The following CCDC91 variants were observed in gnomAD, a reference collection of about 807,000 sequenced individuals.
CCDC91 encodes the protein coiled-coil domain-containing protein 91.
CCDC91 carries 48 observed loss-of-function variants against 63.2 expected under a neutral mutation model. The observed-to-expected ratio is 0.76, with a 90% CI of 0.60 to 0.97. The LOEUF is 0.97. CCDC91 is among the 50% of genes least tolerant of loss of function. CCDC91 has a pLI of 0.00. For synonymous variants in CCDC91, 167 were observed against 165.8 expected, an observed-to-expected ratio of 1.01 and a Z score of -0.06; for missense variants, 500 against 494.6, an observed-to-expected ratio of 1.01 and a Z score of -0.10.
At chr12:28,519,517 T>A (rs1010932265) in intron 12 of CCDC91, among the ~76,000 whole-genome samples, 2 of 151,990 alleles carry the variant, frequency 1.3e-5, no homozygotes, top group Admixed American at 1.3e-4. Flanking sequence ...ACAGTGTAAC[T>A]TCCTCTTTAC....
intron 6 of CCDC91, 34 bp downstream of exon 6, chr12:28,307,783 G>A (rs1049851509): frequency 9.1e-7 from 1 of 1,096,320 alleles, no homozygotes; most frequent in Non-Finnish European, 1.4e-6. Flanking sequence ...TAAAATGTAA[G>A]CCTTTTGATG....
At chr12:28,539,405 T>G (rs1781581225) in intron 12 of CCDC91, among the ~76,000 whole-genome samples, 1 of 152,194 alleles carries the variant, frequency 6.6e-6, no homozygotes, top group Non-Finnish European at 1.5e-5. Flanking sequence ...TTGTCAAAGA[T>G]CAGATAGTTG....
At chr12:28,345,065 A>G (rs1446895674) in intron 6 of CCDC91, among the ~76,000 whole-genome samples, 1 of 152,134 alleles carries the variant, frequency 6.6e-6, no homozygotes, top group East Asian at 1.9e-4. Context: ...TGAAATGGCA[A>G]CATCTTCATG....
intron 3 of CCDC91, among the ~76,000 whole-genome samples, chr12:28,289,685 CTTT>C (rs75555723): frequency 2.0e-5 from 2 of 98,540 alleles, no homozygotes; most frequent in Non-Finnish European, 3.6e-5. Context: ...CTTTTCTTTT[CTTT>C]TTTTTTTTTT....
intron 1 of CCDC91, among the ~76,000 whole-genome samples, chr12:28,233,422 T>G (rs538487778): frequency 6.6e-6 from 1 of 152,278 alleles, no homozygotes; most frequent in East Asian, 1.9e-4. Context: ...TTTTGAATAG[T>G]GTAGTGAAAA....
intron 3 of CCDC91, among the ~76,000 whole-genome samples, chr12:28,273,085 C>T (rs963679975): frequency 1.1e-4 from 17 of 149,644 alleles, no homozygotes; most frequent in African/African-American, 3.2e-4. Flanking sequence ...TGAGAACATG[C>T]GGTGTTTGGT....
chr12:28,437,828 C>T (rs956212128), intron 8 of CCDC91, among the ~76,000 whole-genome samples: 1 of 151,888 alleles, frequency 6.6e-6, no homozygotes, highest in African/African-American at 2.4e-5. Flanking sequence ...AAGAACTATG[C>T]ACCTGAAACT....
intron 6 of CCDC91, among the ~76,000 whole-genome samples, chr12:28,308,108 G>T (rs1938936051): frequency 6.6e-6 from 1 of 151,814 alleles, no homozygotes; most frequent in Admixed American, 6.6e-5. Context: ...TAAATAAATT[G>T]TCTCCTTTTC....
intron 3 of CCDC91, among the ~76,000 whole-genome samples, chr12:28,267,932 AT>A (rs1453205536): frequency 6.8e-5 from 7 of 102,990 alleles, no homozygotes; most frequent in South Asian, 2.5e-4. Flanking sequence ...ATAATTATAT[AT>A]AATTATATAT....
chr12:28,200,261 A>G (rs903284540), intron 1 of CCDC91, among the ~76,000 whole-genome samples: 17 of 146,614 alleles, frequency 1.2e-4, no homozygotes, highest in African/African-American at 4.3e-4. Flanking sequence ...TTTGAGTGGT[A>G]GCTTTTCTAT....
At chr12:28,325,748 A>C (rs1368385192) in intron 6 of CCDC91, among the ~76,000 whole-genome samples, 1 of 151,962 alleles carries the variant, frequency 6.6e-6, no homozygotes, top group Non-Finnish European at 1.5e-5. Flanking sequence ...AAGCAGAATG[A>C]ATGAGGGGGA....
chr12:28,536,488 A>AG (rs1942187155), intron 12 of CCDC91, among the ~76,000 whole-genome samples: 1 of 152,234 alleles, frequency 6.6e-6, no homozygotes, highest in Non-Finnish European at 1.5e-5. Context: ...GTATACAATT[A>AG]GGAGTATGGG....
chr12:28,262,220 T>C (rs1440464856), intron 3 of CCDC91, among the ~76,000 whole-genome samples: 1 of 152,020 alleles, frequency 6.6e-6, no homozygotes, highest in African/African-American at 2.4e-5. Context: ...TCTCCTTTTT[T>C]CCCACCTACC....
At chr12:28,354,306 C>T (rs1316320285) in intron 6 of CCDC91, among the ~76,000 whole-genome samples, 4 of 152,086 alleles carry the variant, frequency 2.6e-5, no homozygotes, top group Non-Finnish European at 5.9e-5. Flanking sequence ...TCTTTCTTCA[C>T]GTGCCTTTCT....
intron 8 of CCDC91, among the ~76,000 whole-genome samples, chr12:28,433,275 T>C (rs1346835101): frequency 6.6e-6 from 1 of 152,048 alleles, no homozygotes; most frequent in African/African-American, 2.4e-5. Context: ...TTTGGTGTTA[T>C]ATTTAAAAGT....
chr12:28,214,645 T>C (rs1365069214), intron 1 of CCDC91, among the ~76,000 whole-genome samples: 1 of 152,122 alleles, frequency 6.6e-6, no homozygotes, highest in African/African-American at 2.4e-5. Context: ...TATAAGATAG[T>C]TCGACTATAT....
rs548710958 is a variant in CCDC91 at position 28,249,081 on chromosome 12, A to G, written c.-14-8121A>G. On this transcript the variant is annotated intron_variant, in intron 1 of 12. Coordinates refer to ENST00000536442, the MANE Select transcript of CCDC91 (RefSeq NM_018318.5). The stretch of plus-strand genomic sequence containing the variant: ...TGTTTTCTTTGTTAAGCAGGAGGCC[A>G]GGCTATTTGCTTTGATAGCAGAAAG... 2.1e-4 allele frequency among the ~76,000 whole-genome samples: 32 copies of G among 152,312 alleles called. 1 individual carries two copies. Among genetic ancestry groups the G allele is most frequent in the Middle Eastern group, 3.4e-3 (1 of 294 alleles).
intron 1 of CCDC91, among the ~76,000 whole-genome samples, chr12:28,205,409 G>T (rs1414092347): frequency 1.3e-5 from 2 of 152,076 alleles, no homozygotes. Context: ...AAAATGTGCT[G>T]AGTATACCAG....
intron 6 of CCDC91, among the ~76,000 whole-genome samples, chr12:28,355,690 G>A (rs1943477889): frequency 6.6e-6 from 1 of 152,130 alleles, no homozygotes; most frequent in African/African-American, 2.4e-5. Flanking sequence ...TGTATGAGTA[G>A]ATTGTGAGGT....
Sources: allele counts gnomAD v4.1 joint callset (sites outside exome capture counted in the v4.1 genomes callset), GRCh38; gene constraint gnomAD v4.1.1; transcripts MANE v1.5; gene names NCBI Gene and HGNC (gene_info 2026-07-23, HGNC 2026-07-21).